Variants in RAB38 observed in about 807,000 individuals in gnomAD.
RAB38 encodes the protein ras-related protein Rab-38.
RAB38 carries 15 observed loss-of-function variants against 18.4 expected under a neutral mutation model. The observed-to-expected ratio is 0.82, with a 90% confidence interval of 0.55 to 1.26. The LOEUF (loss-of-function observed/expected upper bound fraction) is 1.26. Ranked by LOEUF, RAB38 falls within the 50% of genes most tolerant of loss-of-function variation. The pLI is 0.00. For synonymous variants in RAB38, 101 were observed against 104.4 expected, an observed-to-expected ratio of 0.97 and a Z score of 0.20; for missense variants, 294 against 267.4, an observed-to-expected ratio of 1.10 and a Z score of -0.69.
chr11:88,069,664 A>G, the RAB38 span, among the ~76,000 whole-genome samples: 3 of 151,988 alleles, frequency 2.0e-5, no homozygotes, highest in African/African-American at 7.3e-5. Flanking sequence ...TTTTATGTCT[A>G]GCTAAAAGAT....
chr11:88,047,969 T>C, the RAB38 span, among the ~76,000 whole-genome samples: 2 of 152,192 alleles, frequency 1.3e-5, no homozygotes, highest in Non-Finnish European at 2.9e-5. Context: ...CTCTTCCATG[T>C]AGGTTACAAG....
the RAB38 span, among the ~76,000 whole-genome samples, chr11:88,038,546 TTAG>T: frequency 3.4e-4 from 51 of 151,778 alleles, no homozygotes; most frequent in African/African-American, 1.2e-3. Flanking sequence ...TTCCTCACAC[TTAG>T]TAGGTACTAA....
the RAB38 span, among the ~76,000 whole-genome samples, chr11:87,919,174 G>A: frequency 6.6e-6 from 1 of 151,988 alleles, no homozygotes; most frequent in African/African-American, 2.4e-5. Context: ...CTGTAAATGT[G>A]TGGATTTATT....
At chr11:87,947,399 C>A in the RAB38 span, among the ~76,000 whole-genome samples, 1 of 152,118 alleles carries the variant, frequency 6.6e-6, no homozygotes, top group Admixed American at 6.5e-5. Flanking sequence ...TTAATTAGAT[C>A]CCATTTGTCA....
the RAB38 span, among the ~76,000 whole-genome samples, chr11:88,047,596 G>C: frequency 1.8e-4 from 27 of 152,224 alleles, no homozygotes; most frequent in South Asian, 1.2e-3. Context: ...CACCATGCAA[G>C]AGGTTTCCTC....
At chr11:87,975,978 C>T in the RAB38 span, among the ~76,000 whole-genome samples, 9 of 151,168 alleles carry the variant, frequency 6.0e-5, no homozygotes, top group African/African-American at 1.5e-4. Context: ...TAAAATTAAT[C>T]AATTGTTTGA....
the RAB38 span, among the ~76,000 whole-genome samples, chr11:87,920,174 C>A: frequency 2.0e-5 from 3 of 151,524 alleles, no homozygotes; most frequent in East Asian, 5.8e-4. Flanking sequence ...TATTTTCTTC[C>A]TTCTGCTAAT....
the RAB38 span, among the ~76,000 whole-genome samples, chr11:88,102,022 C>T: frequency 3.3e-5 from 5 of 151,964 alleles, no homozygotes; most frequent in South Asian, 4.1e-4. Flanking sequence ...CTGTATGGTA[C>T]GCACAAGTAA....
At position 88,113,942 on chromosome 11, in the gene RAB38, G is replaced by T; in HGVS notation, c.*46C>A. ...AATGGTAAAAATAGAGGCACAATTT[G>T]TGGAACAATGAGGTCATTCCTACCA... On this transcript the variant is annotated 3_prime_UTR_variant, in exon 3 of 3. Coordinates refer to ENST00000243662, the MANE Select transcript of RAB38 (RefSeq NM_022337.3). 1 of 1,608,276 alleles carries T rather than the reference G, an allele frequency of 6.2e-7. No homozygotes were observed. Among genetic ancestry groups the T allele is most frequent in the South Asian group, 1.1e-5 (1 of 90,902 alleles).
At chr11:87,874,328 T>C in the RAB38 span, among the ~76,000 whole-genome samples, 1 of 151,330 alleles carries the variant, frequency 6.6e-6, no homozygotes, top group Non-Finnish European at 1.5e-5. Context: ...GGAGAAAATA[T>C]TTGCAAGCCA....
At chr11:88,026,797 CATTAA>C in the RAB38 span, among the ~76,000 whole-genome samples, 1 of 152,084 alleles carries the variant, frequency 6.6e-6, no homozygotes, top group East Asian at 1.9e-4. Flanking sequence ...TCAGAGAAAT[CATTAA>C]TTGGTACTAA....
At chr11:87,862,805 C>T in the RAB38 span, among the ~76,000 whole-genome samples, 213 of 151,716 alleles carry the variant, frequency 1.4e-3, 7 homozygotes, top group South Asian at 0.043. Flanking sequence ...GACTAAATGG[C>T]CGGTATTATC....
the RAB38 span, among the ~76,000 whole-genome samples, chr11:87,951,116 C>A: frequency 6.6e-6 from 1 of 152,124 alleles, no homozygotes; most frequent in Non-Finnish European, 1.5e-5. Flanking sequence ...AACTTCTCTT[C>A]TTGCTTCATT....
At position 88,113,523 on chromosome 11, in the gene RAB38, T is replaced by C. The variant is rs1398431633; in HGVS notation, c.*465A>G. On this transcript the variant is annotated 3_prime_UTR_variant, in exon 3 of 3. Transcript: ENST00000243662. Reference sequence around the variant, plus strand: ...AGGCAACTCTTAGGTCTGCCGAGAATGGAGGTCATCTTGGGAGAAAATATC... The same window carrying C: ...AGGCAACTCTTAGGTCTGCCGAGAACGGAGGTCATCTTGGGAGAAAATATC... The C allele has an allele frequency of 6.1e-6, 1 of 162,808 alleles. No individual in the cohort carries two copies. Among genetic ancestry groups the C allele is most frequent in the Non-Finnish European group, 1.4e-5 (1 of 73,186 alleles). 10.1% of individuals were successfully genotyped at this position (162,808 alleles called of 1,614,324 possible).
the RAB38 span, among the ~76,000 whole-genome samples, chr11:88,089,047 A>T: frequency 6.6e-6 from 1 of 152,004 alleles, no homozygotes; most frequent in East Asian, 1.9e-4. Context: ...AATCTCTGAG[A>T]TACAAATCCA....
intron 2 of RAB38, among the ~76,000 whole-genome samples, chr11:88,122,592 C>T (rs1252627643): frequency 6.6e-6 from 1 of 152,154 alleles, no homozygotes; most frequent in Non-Finnish European, 1.5e-5. Flanking sequence ...ATGTTACATA[C>T]ATAATCTCAT....
chr11:87,880,612 A>G, the RAB38 span, among the ~76,000 whole-genome samples: 1 of 151,856 alleles, frequency 6.6e-6, no homozygotes, highest in East Asian at 2.0e-4. Context: ...TTTGGGGAGA[A>G]GAGTCACTTT....
chr11:87,901,714 T>A, the RAB38 span, among the ~76,000 whole-genome samples: 1 of 151,552 alleles, frequency 6.6e-6, no homozygotes, highest in Admixed American at 6.6e-5. Context: ...AATAATGCAA[T>A]CACCGGAGCT....
the RAB38 span, among the ~76,000 whole-genome samples, chr11:87,920,309 T>C: frequency 6.6e-6 from 1 of 151,968 alleles, no homozygotes; most frequent in Non-Finnish European, 1.5e-5. Flanking sequence ...ACTGTTATTT[T>C]TATGCATCCC....
Sources: allele counts gnomAD v4.1 joint callset (sites outside exome capture counted in the v4.1 genomes callset), GRCh38; gene constraint gnomAD v4.1.1; transcripts MANE v1.5; gene names NCBI Gene and HGNC (gene_info 2026-07-23, HGNC 2026-07-21).